The following FRMD1 variants were observed in gnomAD, a reference collection of about 807,000 sequenced individuals.
FRMD1 encodes FERM domain-containing protein 1.
FRMD1 carries 51 observed loss-of-function variants against 54.9 expected under a neutral mutation model. The observed-to-expected ratio is 0.93, with a 90% CI of 0.74 to 1.17. FRMD1 has a LOEUF of 1.17. FRMD1 is among the 50% of genes most tolerant of loss of function. The pLI is 0.00. For missense variants in FRMD1, 729 were observed against 743.0 expected (o/e 0.98, Z 0.22); for synonymous variants, 324 against 306.4 (o/e 1.06, Z -0.60).
chr6:168,069,514 T>C (rs895782865), intron 2 of FRMD1, among the ~76,000 whole-genome samples: 3 of 152,218 alleles, frequency 2.0e-5, no homozygotes, highest in Non-Finnish European at 4.4e-5. Context: ...GTTTGCAGCA[T>C]GAGTGGCAGA....
chr6:168,067,269 C>T, intron 3 of FRMD1, 98 bp downstream of exon 3: 2 of 797,100 alleles, frequency 2.5e-6, no homozygotes, highest in East Asian at 2.5e-5. Flanking sequence ...CCCCCACAGC[C>T]CACCGCGGTG....
chr6:168,081,444 G>A, upstream of FRMD1: 4 of 1,535,642 alleles, frequency 2.6e-6, no homozygotes, highest in East Asian at 4.9e-5. Flanking sequence ...CAGAGGCCGC[G>A]AGGAAGAGGA....
At chr6:168,085,742 C>CCACAG (rs1418933563), upstream of FRMD1, among the ~76,000 whole-genome samples, 14 of 148,660 alleles carry the variant, frequency 9.4e-5, 3 homozygotes, top group African/African-American at 2.7e-4. Flanking sequence ...TATCGCCCAG[C>CCACAG]CATAGCATCC....
At chr6:168,091,571 G>A (rs1022013684) in intron 1 of FRMD1, among the ~76,000 whole-genome samples, 1 of 152,246 alleles carries the variant, frequency 6.6e-6, no homozygotes, top group Non-Finnish European at 1.5e-5. Flanking sequence ...TGGAGCCGGT[G>A]GGCGGATCTT....
chr6:168,073,160 C>T (rs1800392706), intron 2 of FRMD1, among the ~76,000 whole-genome samples: 1 of 152,174 alleles, frequency 6.6e-6, no homozygotes, highest in Admixed American at 6.5e-5. Flanking sequence ...GGTGTAAGCC[C>T]AGTGCTGGGT....
chr6:168,071,791 C>A (rs1443143930), intron 2 of FRMD1, among the ~76,000 whole-genome samples: 1 of 152,250 alleles, frequency 6.6e-6, no homozygotes, highest in Non-Finnish European at 1.5e-5. Context: ...TTTGTGTGCA[C>A]CTGCCTGGCC....
chr6:168,061,673 C>G, intron 8 of FRMD1, 134 bp downstream of exon 8: 1 of 968,112 alleles, frequency 1.0e-6, no homozygotes, highest in Non-Finnish European at 1.5e-6. Context: ...ACCTCAGCAT[C>G]TGGGGGACGT....
intron 1 of FRMD1, among the ~76,000 whole-genome samples, chr6:168,077,174 C>A (rs538609067): frequency 6.6e-6 from 1 of 151,812 alleles, no homozygotes; most frequent in East Asian, 1.9e-4. Flanking sequence ...GACACAGATG[C>A]ATGCACATCT....
chr6:168,075,881 AC>A, intron 1 of FRMD1: 3 of 948,772 alleles, frequency 3.2e-6, no homozygotes, highest in East Asian at 3.0e-5. Context: ...CCCGGTGTCC[AC>A]ATTTCCGGCG....
In FRMD1 at chr6:168,054,453, G is replaced by A. The variant is rs1393190144; in HGVS notation, c.*2644C>T. ...CTTTTCCTCTCCACTGACAGGGTAA[G>A]ACAGGGATTGGGGACTTTACCCTGT... is the stretch of plus-strand genomic sequence containing the variant. On this transcript the variant is annotated 3_prime_UTR_variant, in exon 11 of 11. Transcript: ENST00000283309. The A allele has an allele frequency of 6.6e-6, 1 of 152,378 alleles. No homozygotes were observed. The highest frequency in any genetic ancestry group is 1.5e-5 in the Non-Finnish European group (1 of 68,244). 9.4% of individuals were successfully genotyped at this position (152,378 alleles called of 1,614,324 possible). A position where few individuals can be genotyped will look rare whatever the true frequency, so the allele number is the denominator to read the frequency against.
Position 168,059,257 on chromosome 6 carries a change from T to C in FRMD1, c.1343-69A>G, listed in dbSNP as rs1459305248. ...CCGACATGGCTCCTCCCCAGGGCAG[T>C]TCCCTGCACTTCTGGGGCCCTGGTC... On this transcript the variant is annotated intron_variant, in intron 9 of 10. Coordinates refer to ENST00000283309, the MANE Select transcript of FRMD1 (RefSeq NM_024919.6). The surrounding 1 kb of genome is among the most constrained non-coding windows in gnomAD (Gnocchi z 4.4). 6 of 1,321,336 alleles carry C rather than the reference T, an allele frequency of 4.5e-6. No individual in the cohort carries two copies. Among genetic ancestry groups the C allele is most frequent in the South Asian group, 3.8e-5 (3 of 78,260 alleles). The allele number at this position is 1,321,336 out of a possible 1,614,324, so 81.9% of individuals were successfully genotyped here. A position where few individuals can be genotyped will look rare whatever the true frequency, so the allele number is the denominator to read the frequency against.
chr6:168,063,456 G>A (rs986949067), intron 6 of FRMD1, 145 bp downstream of exon 6: 2 of 969,754 alleles, frequency 2.1e-6, no homozygotes, highest in Non-Finnish European at 2.9e-6. Context: ...ATCTATCCCT[G>A]CCCCGGGGTC....
chr6:168,075,823 T>C, intron 1 of FRMD1: 1 of 1,547,020 alleles, frequency 6.5e-7, no homozygotes, highest in Non-Finnish European at 8.7e-7. Flanking sequence ...ACACCCAGCG[T>C]CTGGTGCGTG....
Position 168,060,702 on chromosome 6 carries a change from T to TG in FRMD1, c.1342+58dup. The TG allele has an allele frequency of 3.3e-6, 5 of 1,536,420 alleles. No individual in the cohort carries two copies. The South Asian group carries it at 6.0e-5, about 18-fold the overall frequency. On this transcript the variant is annotated intron_variant, in intron 9 of 10. Transcript: ENST00000283309. ...CCTCGGTGTCCAGGGTCAGCCAAGC[T>TG]GGGGCTGGCTGGACCACACTCACTG...
In FRMD1 at chr6:168,088,358, C is replaced by A. The variant is rs557192297; in HGVS notation, c.-11-9334G>T. Among the ~76,000 whole-genome samples, 4 of 152,254 alleles carry A rather than the reference C, an allele frequency of 2.6e-5. No homozygotes were observed. The South Asian group carries it at 8.3e-4, about 32-fold the overall frequency. On this transcript the variant is annotated intron_variant, in intron 1 of 12. Coordinates refer to the FRMD1 transcript ENST00000644440. Reference sequence around the variant, plus strand: ...GGATTTTATTCTTGGAAAGAAACTGCGGGCGGGGGAGTGGCCGGGAGGCAA... The same window carrying A: ...GGATTTTATTCTTGGAAAGAAACTGAGGGCGGGGGAGTGGCCGGGAGGCAA...
chr6:168,066,902 T>C (rs564864610), intron 3 of FRMD1, 71 bp from the exon 4 acceptor site: 257 of 1,580,632 alleles, frequency 1.6e-4, no homozygotes, highest in African/African-American at 1.6e-3. Flanking sequence ...GTCTTCCCAG[T>C]TGGGGGGGCC....
At chr6:168,081,563 C>T, upstream of FRMD1, 1 of 1,463,296 alleles carries the variant, frequency 6.8e-7, no homozygotes, top group Non-Finnish European at 9.1e-7. Flanking sequence ...TAGATAGAGG[C>T]CTGCTGAGAA....
intron 8 of FRMD1, among the ~76,000 whole-genome samples, chr6:168,061,502 T>G (rs1227349289): frequency 2.0e-5 from 3 of 152,214 alleles, no homozygotes; most frequent in African/African-American, 7.2e-5. Context: ...GAACCTGCAT[T>G]TCTTGCTCTT....
Position 168,075,288 on chromosome 6 carries a change from C to T in FRMD1, c.261G>A (p.Ala87=), listed in dbSNP as rs1562426442. ...CAAAGAACTGCGCGTCTCTGATGCT[C>T]GCCACGTTGCACACTTGCTGGAAAA... is the stretch of plus-strand genomic sequence containing the variant. ...RELFQQVCNV[A]SIRDAQFFGL... The change falls in exon 2 of 11, where the codon GCG becomes GCA. Residue 87 remains alanine (A), a synonymous_variant. Transcript: ENST00000283309. 1.9e-6 allele frequency: 3 copies of T among 1,613,684 alleles called. No homozygotes were observed. Among genetic ancestry groups the T allele is most frequent in the East Asian group, 2.2e-5 (1 of 44,886 alleles).
Sources: allele counts gnomAD v4.1 joint callset (sites outside exome capture counted in the v4.1 genomes callset), GRCh38; gene constraint gnomAD v4.1.1; non-coding constraint Gnocchi (gnomAD v3.1); transcripts MANE v1.5; gene names NCBI Gene and HGNC (gene_info 2026-07-23, HGNC 2026-07-21).